The following PTPRA variants were observed in gnomAD, a reference collection of about 807,000 sequenced individuals.
PTPRA encodes receptor-type tyrosine-protein phosphatase alpha.
PTPRA carries 25 observed loss-of-function variants against 104.8 expected under a neutral mutation model. The observed-to-expected ratio is 0.24, with a 90% CI of 0.17 to 0.33. The LOEUF (loss-of-function observed/expected upper bound fraction) is 0.33. Among genes scored for constraint, PTPRA ranks in the 10% least tolerant of loss-of-function variants. The pLI, the probability that PTPRA is intolerant of heterozygous loss-of-function variation, is 1.00. For missense variants in PTPRA, 765 were observed against 1,015.3 expected (o/e 0.75, Z 3.35); for synonymous variants, 323 against 368.9 (o/e 0.88, Z 1.43).
Position 2,904,322 on chromosome 20 carries a change from A to G in PTPRA, c.-128-18885A>G, listed in dbSNP as rs1056497409. On this transcript the variant is annotated intron_variant, in intron 1 of 23. Transcript: ENST00000399903. ...GAGAGAGTGCAAATTAACGAGAAAT[A>G]GGCAAGACTAATTTGAAGAAAACTA... is the stretch of plus-strand genomic sequence containing the variant. Among the ~76,000 whole-genome samples, 3 of 152,176 alleles carry G rather than the reference A, an allele frequency of 2.0e-5. No individual in the cohort carries two copies. In the East Asian group the frequency reaches 5.8e-4, roughly 29 times the overall value.
intron 1 of PTPRA, among the ~76,000 whole-genome samples, chr20:2,890,372 A>C (rs1481594425): frequency 6.6e-6 from 1 of 152,140 alleles, no homozygotes; most frequent in Non-Finnish European, 1.5e-5. Context: ...CAAAATAGTT[A>C]GCTCTTCTGA....
At chr20:2,985,884 CTTGTTTGTTTGTTTGTTTGT>C (rs71195807) in intron 6 of PTPRA, among the ~76,000 whole-genome samples, 13 of 148,758 alleles carry the variant, frequency 8.7e-5, no homozygotes, top group African/African-American at 2.2e-4. Context: ...CAGCTGTCTC[CTTGTTTGTTTGTTTGTTTGT>C]TTGTTTGTTT....
At chr20:3,018,547 T>A (rs1390442523) in intron 13 of PTPRA, among the ~76,000 whole-genome samples, 1 of 151,786 alleles carries the variant, frequency 6.6e-6, no homozygotes, top group Non-Finnish European at 1.5e-5. Flanking sequence ...GGGGGTAAGG[T>A]CACAGATCTA....
intron 1 of PTPRA, among the ~76,000 whole-genome samples, chr20:2,896,609 C>T (rs967859303): frequency 5.9e-5 from 9 of 152,084 alleles, no homozygotes; most frequent in Admixed American, 4.6e-4. Flanking sequence ...GCTGTATTAC[C>T]CATAAATCAG....
At chr20:2,876,527 T>C (rs538300416) in intron 1 of PTPRA, among the ~76,000 whole-genome samples, 6 of 152,354 alleles carry the variant, frequency 3.9e-5, no homozygotes, top group African/African-American at 1.4e-4. Flanking sequence ...TAGAGAGTTA[T>C]TTGTTCTTTC....
In PTPRA at chr20:2,975,227, C is replaced by A. The variant is rs774732821; in HGVS notation, c.428C>A (p.Ser143Ter). 2 of 1,596,194 alleles carry A rather than the reference C, an allele frequency of 1.3e-6. No individual in the cohort carries two copies. Among genetic ancestry groups the A allele is most frequent in the Non-Finnish European group, 1.7e-6 (2 of 1,165,512 alleles). ...ACTTATTACACAGGTAATTCTGACT[C>A]GAAGGACAGAAGAGGTGAGCTGCTC... ...ETFPPSGNSDSKDRRDETPII... is the reference protein window; with the variant it reads ...ETFPPSGNSD The change falls in exon 6 of 24, where the codon TCG becomes TAG. Residue 143 changes from serine (S) to a stop codon, truncating the protein, a stop_gained. Coordinates refer to ENST00000399903, the MANE Select transcript of PTPRA (RefSeq NM_001385305.1). LOFTEE classifies it high-confidence loss of function.
chr20:2,955,801 A>G (rs1026911942), intron 3 of PTPRA: 9 of 495,896 alleles, frequency 1.8e-5, no homozygotes, highest in African/African-American at 1.5e-4. Context: ...TGTCACTCAT[A>G]GAGCTGTCTT....
chr20:2,968,878 G>A lies in PTPRA; in HGVS notation c.415+3676G>A, dbSNP rs73606191. Among the ~76,000 whole-genome samples the A allele has an allele frequency of 5.9e-4, 89 of 151,910 alleles. 1 individual carries two copies. The East Asian group carries it at 0.016, about 28-fold the overall frequency. On this transcript the variant is annotated intron_variant, in intron 5 of 23. Coordinates refer to ENST00000399903, the MANE Select transcript of PTPRA (RefSeq NM_001385305.1). ...TGCAGTGAGCTGTGATCGCACCACC[G>A]TACTCCAGTCTGGGCAACAGAGGGA...
At chr20:2,981,916 T>G (rs921647362) in intron 6 of PTPRA, among the ~76,000 whole-genome samples, 3 of 152,168 alleles carry the variant, frequency 2.0e-5, no homozygotes, top group African/African-American at 7.2e-5. Flanking sequence ...CAGAAATCTC[T>G]CAAAGATTCT....
At chr20:3,010,514 G>A (rs956116373) in intron 11 of PTPRA, among the ~76,000 whole-genome samples, 3 of 152,124 alleles carry the variant, frequency 2.0e-5, no homozygotes, top group South Asian at 2.1e-4. Context: ...TGTAGTCCCA[G>A]CTACTTGGGA....
intron 1 of PTPRA, among the ~76,000 whole-genome samples, chr20:2,876,515 T>C (rs1020486263): frequency 6.6e-6 from 1 of 152,220 alleles, no homozygotes; most frequent in African/African-American, 2.4e-5. Flanking sequence ...TATCAACATA[T>C]ATAGAGAGTT....
intron 6 of PTPRA, among the ~76,000 whole-genome samples, chr20:2,976,766 G>A (rs1286851104): frequency 6.6e-6 from 1 of 152,158 alleles, no homozygotes; most frequent in African/African-American, 2.4e-5. Flanking sequence ...TAAGCCAGCT[G>A]TTTGGAAATG....
chr20:2,882,791 AATTC>A (rs1317877746), intron 1 of PTPRA, among the ~76,000 whole-genome samples: 1 of 152,154 alleles, frequency 6.6e-6, no homozygotes, highest in Non-Finnish European at 1.5e-5. Flanking sequence ...AAAAGAATGA[AATTC>A]ATTCATTACT....
chr20:2,943,446 G>T (rs1342806634), intron 2 of PTPRA, among the ~76,000 whole-genome samples: 1 of 152,048 alleles, frequency 6.6e-6, no homozygotes, highest in African/African-American at 2.4e-5. Context: ...GTGCTATTCA[G>T]ACCTTCAGTT....
chr20:2,958,029 A>G (rs1255790161), intron 3 of PTPRA, among the ~76,000 whole-genome samples: 1 of 152,074 alleles, frequency 6.6e-6, no homozygotes, highest in African/African-American at 2.4e-5. Context: ...TGTTGGTGTA[A>G]AAGAAGAACA....
chr20:2,978,387 C>CA (rs1208135262), intron 6 of PTPRA, among the ~76,000 whole-genome samples: 8 of 152,124 alleles, frequency 5.3e-5, no homozygotes, highest in Non-Finnish European at 1.2e-4. Flanking sequence ...AACAACATTA[C>CA]AACCTTGCCT....
At chr20:2,948,716 C>T (rs1240102797) in intron 3 of PTPRA, among the ~76,000 whole-genome samples, 2 of 151,832 alleles carry the variant, frequency 1.3e-5, no homozygotes, top group Middle Eastern at 3.5e-3. Flanking sequence ...CTTTGGGAGG[C>T]CAAGGTGGGC....
chr20:3,005,941 A>T (rs1242117000), intron 10 of PTPRA, among the ~76,000 whole-genome samples: 1 of 151,738 alleles, frequency 6.6e-6, no homozygotes. Flanking sequence ...GAGATATGAG[A>T]GGAAGATGTT....
At chr20:2,899,755 A>G (rs2059156639) in intron 1 of PTPRA, among the ~76,000 whole-genome samples, 1 of 152,030 alleles carries the variant, frequency 6.6e-6, no homozygotes, top group South Asian at 2.1e-4. Context: ...TCATTCCAAT[A>G]CTCTTAATTC....
Sources: gnomAD v4.1 joint callset for allele counts (sites outside exome capture counted in the v4.1 genomes callset) on GRCh38, gnomAD v4.1.1 for gene constraint, MANE v1.5 for transcripts, NCBI Gene and HGNC (gene_info 2026-07-23, HGNC 2026-07-21) for gene names.